The following HTN1 variants were observed in gnomAD, a reference collection of about 807,000 sequenced individuals.
HTN1 encodes the protein histatin-1.
In HTN1, 18 loss-of-function variants were observed where a neutral mutation model predicts 11.2. The ratio of observed to expected loss-of-function variants is 1.61; its 90% CI spans 1.12 to 2.39. The LOEUF is 2.39. HTN1 is among the 30% of genes most tolerant of loss of function. The pLI is 0.00. For missense variants in HTN1, 80 were observed against 67.2 expected, an observed-to-expected ratio of 1.19 and a Z score of -0.67; for synonymous variants, 21 against 20.5, an observed-to-expected ratio of 1.02 and a Z score of -0.07.
intron 2 of HTN1, 118 bp from the exon 3 acceptor site, chr4:70,054,204 C>T (rs150703442): frequency 4.3e-5 from 27 of 624,026 alleles, no homozygotes; most frequent in Admixed American, 1.8e-4. Flanking sequence ...AGTCTGTCAT[C>T]AACCAAAGAA....
chr4:70,054,215 T>A, intron 2 of HTN1, 107 bp from the exon 3 acceptor site: 1 of 667,112 alleles, frequency 1.5e-6, no homozygotes, highest in Non-Finnish European at 2.5e-6. Context: ...AACCAAAGAA[T>A]GCCTCCATTC....
At chr4:70,051,138 C>G (rs6828146) in intron 1 of HTN1, among the ~76,000 whole-genome samples, 113,106 of 152,070 alleles carry the variant, frequency 0.74, 42,455 homozygotes, top group East Asian at 0.86. Context: ...TTAACTTAAA[C>G]CAGGAGTTCA....
chr4:70,055,536 G>C lies in HTN1; in HGVS notation c.141G>C (p.Gly47=), dbSNP rs769118208. The stretch of plus-strand genomic sequence containing the variant: ...CACATCGAGAATTTCCATTTTATGG[G>C]GACTATGGATCAAATTATCTATATG... ...HHSHREFPFY[G]DYGSNYLYDN The change falls in exon 5 of 6, where the codon GGG becomes GGC. Residue 47 remains glycine (G), a synonymous_variant. Coordinates refer to ENST00000246896, the MANE Select transcript of HTN1 (RefSeq NM_002159.4). 2.5e-6 allele frequency: 4 copies of C among 1,598,124 alleles called. No individual in the cohort carries two copies. Among genetic ancestry groups the C allele is most frequent in the Middle Eastern group, 1.7e-4 (1 of 6,010 alleles).
intron 2 of HTN1, among the ~76,000 whole-genome samples, chr4:70,053,511 A>G (rs972743418): frequency 2.6e-5 from 4 of 152,308 alleles, no homozygotes; most frequent in Middle Eastern, 3.4e-3. Flanking sequence ...GAGGGTGTCA[A>G]AATAGGAATT....
intron 5 of HTN1, chr4:70,057,038 A>AT (rs1726061428): frequency 1.3e-5 from 2 of 152,210 alleles, no homozygotes; most frequent in African/African-American, 4.8e-5. Flanking sequence ...ATGACTGGGT[A>AT]TATACCCAAA....
chr4:70,052,015 A>G (rs1199937727), intron 1 of HTN1, among the ~76,000 whole-genome samples: 2 of 152,156 alleles, frequency 1.3e-5, no homozygotes, highest in Admixed American at 6.6e-5. Context: ...GTAACCTGCT[A>G]TACTTTTTTA....
intron 5 of HTN1, chr4:70,057,427 A>G (rs1215570298): frequency 6.6e-6 from 1 of 152,220 alleles, no homozygotes; most frequent in East Asian, 1.9e-4. Context: ...CAATAGGTGC[A>G]GCAAACCACC....
chr4:70,052,629 T>A (rs992469392), intron 1 of HTN1, among the ~76,000 whole-genome samples: 2 of 152,088 alleles, frequency 1.3e-5, no homozygotes, highest in Non-Finnish European at 2.9e-5. Flanking sequence ...CATATTAATA[T>A]TTCCAAATCA....
At chr4:70,054,849 T>G (rs893736373) in intron 4 of HTN1, among the ~76,000 whole-genome samples, 4 of 152,030 alleles carry the variant, frequency 2.6e-5, no homozygotes, top group African/African-American at 9.6e-5. Context: ...GTCTTTAAAT[T>G]AAACTGACTG....
chr4:70,057,340 A>G (rs1399834823), intron 5 of HTN1: 3 of 152,136 alleles, frequency 2.0e-5, no homozygotes, highest in Non-Finnish European at 4.4e-5. Context: ...AACAGTGAGA[A>G]CACGTGAAGA....
At chr4:70,055,741 G>T (rs1726022961) in intron 5 of HTN1, 139 bp downstream of exon 5, 2 of 549,078 alleles carry the variant, frequency 3.6e-6, no homozygotes, top group Non-Finnish European at 3.3e-6. Context: ...TTGTATAAAT[G>T]CTTCTGAAGC....
intron 1 of HTN1, among the ~76,000 whole-genome samples, chr4:70,052,430 T>G (rs1396029352): frequency 1.3e-5 from 2 of 152,156 alleles, no homozygotes; most frequent in African/African-American, 4.8e-5. Context: ...TTTCTCCAGT[T>G]TTGTCCTCCC....
In HTN1 at chr4:70,053,060, A is replaced by G. The variant is rs1294781220; in HGVS notation, c.-13-4A>G. The G allele has an allele frequency of 1.3e-6, 2 of 1,579,332 alleles. No individual in the cohort carries two copies. The highest frequency in any genetic ancestry group is 2.2e-5 in the East Asian group (1 of 44,698). On this transcript the variant is annotated splice_region_variant and splice_polypyrimidine_tract_variant and intron_variant, in intron 1 of 5. Transcript: ENST00000246896. Reference sequence around the variant, plus strand: ...TTACTGATTTTTCATGTTTGATTTTATAGGACTCAGCCAACTATGAAGTTT... The same window carrying G: ...TTACTGATTTTTCATGTTTGATTTTGTAGGACTCAGCCAACTATGAAGTTT...
At chr4:70,054,289 A>T (rs565060126) in intron 2 of HTN1, 33 bp from the exon 3 acceptor site, 1 of 1,264,170 alleles carries the variant, frequency 7.9e-7, no homozygotes, top group African/African-American at 1.5e-5. Context: ...AAATTAAAAT[A>T]TTAATTATTT....
At chr4:70,051,288 C>T (rs1485551050) in intron 1 of HTN1, among the ~76,000 whole-genome samples, 1 of 152,000 alleles carries the variant, frequency 6.6e-6, no homozygotes, top group African/African-American at 2.4e-5. Flanking sequence ...TAAAACAGTG[C>T]TGTTATAATG....
At chr4:70,056,574 A>C (rs1560436491) in intron 5 of HTN1, 1 of 152,206 alleles carries the variant, frequency 6.6e-6, no homozygotes, top group African/African-American at 2.4e-5. Context: ...GCACAACAAA[A>C]GAAACTATCA....
intron 1 of HTN1, 45 bp downstream of exon 1, chr4:70,050,540 T>TAATA (rs1326772272): frequency 6.6e-6 from 1 of 152,184 alleles, no homozygotes; most frequent in East Asian, 1.9e-4. Flanking sequence ...TAGCATAAGC[T>TAATA]TTTGTTTGCT....
chr4:70,053,944 G>A (rs1024934245), intron 2 of HTN1, among the ~76,000 whole-genome samples: 5 of 152,108 alleles, frequency 3.3e-5, no homozygotes, highest in African/African-American at 2.4e-5. Context: ...CATAATGCCT[G>A]TCTCTATCAG....
intron 1 of HTN1, among the ~76,000 whole-genome samples, chr4:70,052,609 G>A (rs960290979): frequency 4.6e-5 from 7 of 151,846 alleles, no homozygotes; most frequent in Non-Finnish European, 8.8e-5. Context: ...CCATTTGTGT[G>A]TTTCATTAGC....
Sources: gnomAD v4.1 joint callset for allele counts (sites outside exome capture counted in the v4.1 genomes callset) on GRCh38, gnomAD v4.1.1 for gene constraint, MANE v1.5 for transcripts, NCBI Gene and HGNC (gene_info 2026-07-23, HGNC 2026-07-21) for gene names.